CA1: variants seen among roughly 807,000 people sequenced by gnomAD.
CA1 encodes carbonate dehydratase I.
CA1 carries 27 observed loss-of-function variants against 28.8 expected under a neutral mutation model. That is an observed-to-expected ratio of 0.94 (90% CI 0.69 to 1.29). CA1 has a LOEUF of 1.29. CA1 is among the 50% of genes most tolerant of loss of function. The pLI, the probability that CA1 is intolerant of heterozygous loss-of-function variation, is 0.00. For synonymous variants in CA1, 121 were observed against 108.8 expected (o/e 1.11, Z -0.70); for missense variants, 335 against 310.5 (o/e 1.08, Z -0.59).
At chr8:85,331,386 G>A (rs1403729533) in intron 6 of CA1, among the ~76,000 whole-genome samples, 1 of 151,628 alleles carries the variant, frequency 6.6e-6, no homozygotes, top group East Asian at 1.9e-4. Flanking sequence ...TTCTTCCAAA[G>A]AATCAACTTT....
chr8:85,377,148 A>T (rs1233579222), intron 1 of CA1, among the ~76,000 whole-genome samples: 2 of 152,208 alleles, frequency 1.3e-5, no homozygotes, highest in African/African-American at 4.8e-5. Context: ...TATATTAGAA[A>T]ATCAGATATA....
At chr8:85,331,560 G>A (rs999872916) in intron 6 of CA1, among the ~76,000 whole-genome samples, 8 of 151,942 alleles carry the variant, frequency 5.3e-5, no homozygotes, top group East Asian at 1.9e-4. Context: ...GGGTTCAAGC[G>A]ATTCTCCTGG....
chr8:85,346,739 G>T (rs1564031435), intron 1 of CA1, among the ~76,000 whole-genome samples: 5 of 151,944 alleles, frequency 3.3e-5, no homozygotes, highest in Admixed American at 1.3e-4. Context: ...GCCAGCCTGG[G>T]CAACAAGAGT....
chr8:85,365,210 C>G (rs182120015), intron 1 of CA1, among the ~76,000 whole-genome samples: 4 of 152,318 alleles, frequency 2.6e-5, no homozygotes, highest in Admixed American at 2.6e-4. Flanking sequence ...TTAATGATGA[C>G]AAAGGGTGAC....
chr8:85,377,041 A>C (rs1810444448), intron 1 of CA1, among the ~76,000 whole-genome samples: 2 of 152,202 alleles, frequency 1.3e-5, no homozygotes, highest in African/African-American at 4.8e-5. Flanking sequence ...CAATATTAAC[A>C]CATTTGTATT....
intron 4 of CA1, among the ~76,000 whole-genome samples, chr8:85,335,337 G>A (rs910964609): frequency 2.6e-5 from 4 of 152,134 alleles, no homozygotes; most frequent in African/African-American, 9.7e-5. Context: ...AACATGAAAG[G>A]TGCTGGTCTA....
intron 1 of CA1, among the ~76,000 whole-genome samples, chr8:85,362,723 G>T (rs1405001806): frequency 1.3e-5 from 2 of 152,144 alleles, no homozygotes; most frequent in African/African-American, 4.8e-5. Context: ...CATTACTAAA[G>T]CATATCATTC....
At chr8:85,375,608 G>A (rs1474921076) in intron 1 of CA1, among the ~76,000 whole-genome samples, 1 of 152,028 alleles carries the variant, frequency 6.6e-6, no homozygotes, top group Non-Finnish European at 1.5e-5. Context: ...AACATCCCAA[G>A]GGAAGATCTA....
intron 1 of CA1, among the ~76,000 whole-genome samples, chr8:85,372,341 G>T (rs1812866493): frequency 6.6e-6 from 1 of 152,176 alleles, no homozygotes; most frequent in South Asian, 2.1e-4. Context: ...CGATGATGTG[G>T]AGAAATGAGA....
At chr8:85,375,981 G>A (rs781029009) in intron 1 of CA1, among the ~76,000 whole-genome samples, 4 of 152,160 alleles carry the variant, frequency 2.6e-5, no homozygotes, top group Non-Finnish European at 5.9e-5. Context: ...GAATTCAGTC[G>A]AGTAGTGAAT....
intron 1 of CA1, among the ~76,000 whole-genome samples, chr8:85,369,345 A>G (rs895772810): frequency 6.6e-6 from 1 of 151,916 alleles, no homozygotes; most frequent in African/African-American, 2.4e-5. Context: ...GCTCTTGGTT[A>G]CCCCACTTTG....
At chr8:85,370,663 T>C (rs1181889046) in intron 1 of CA1, among the ~76,000 whole-genome samples, 2 of 152,210 alleles carry the variant, frequency 1.3e-5, no homozygotes, top group Admixed American at 6.5e-5. Flanking sequence ...TGACAAGTGC[T>C]GTCAAAATGT....
At chr8:85,343,789 C>A (rs529849815) in intron 1 of CA1, among the ~76,000 whole-genome samples, 1 of 151,896 alleles carries the variant, frequency 6.6e-6, no homozygotes, top group African/African-American at 2.4e-5. Flanking sequence ...TCATTATGTA[C>A]CCAGGGTGTG....
At chr8:85,368,512 T>C (rs1295617547) in intron 1 of CA1, among the ~76,000 whole-genome samples, 1 of 152,036 alleles carries the variant, frequency 6.6e-6, no homozygotes, top group Non-Finnish European at 1.5e-5. Flanking sequence ...TTGTGGTACA[T>C]GTTGCTTTAA....
intron 4 of CA1, among the ~76,000 whole-genome samples, chr8:85,336,395 G>C (rs995108021): frequency 6.6e-6 from 1 of 152,046 alleles, no homozygotes; most frequent in Non-Finnish European, 1.5e-5. Flanking sequence ...TTTTTCTTTG[G>C]ATATACAGAT....
rs771614339 is a variant in CA1 at position 85,332,587 on chromosome 8, A to G, written c.451-35T>C. 3.4e-6 allele frequency: 5 copies of G among 1,490,134 alleles called. 1 individual carries two copies. Among genetic ancestry groups the G allele is most frequent in the Middle Eastern group, 1.8e-4 (1 of 5,570 alleles). The allele number at this position is 1,490,134 out of a possible 1,614,324, so 92.3% of individuals were successfully genotyped here. A position where few individuals can be genotyped will look rare whatever the true frequency, so the allele number is the denominator to read the frequency against. On this transcript the variant is annotated intron_variant, in intron 5 of 7. Coordinates refer to ENST00000523022, the MANE Select transcript of CA1 (RefSeq NM_001128831.4). ...TAAGAAAATAAAGTATGAGATAAAG[A>G]TTATTATCAATCGAACACTGCTTAG...
chr8:85,370,018 A>T (rs1223560300), intron 1 of CA1, among the ~76,000 whole-genome samples: 1 of 152,156 alleles, frequency 6.6e-6, no homozygotes, highest in Admixed American at 6.6e-5. Flanking sequence ...CATGACACCA[A>T]ACCTTTCAGA....
rs765083576 is a variant in CA1, at chr8:85,333,592, T to C, written c.383A>G (p.Lys128Arg). The change falls in exon 5 of 8, where the codon AAG (lysine) becomes AGG (arginine). Residue 128 changes from lysine (K) to arginine (R), a missense_variant. Transcript: ENST00000523022. ...GGCAGCTTCAGCAAGGCTGGAGTAC[T>C]TTGCAGAATTCCAGTGAGCTACGTG... ...ELHVAHWNSA[K>R]YSSLAEAASK... 1 of 1,612,330 alleles carries C rather than the reference T, an allele frequency of 6.2e-7. No homozygotes were observed. The highest frequency in any genetic ancestry group is 1.1e-5 in the South Asian group (1 of 91,056).
At chr8:85,346,881 G>A (rs540654677) in intron 1 of CA1, among the ~76,000 whole-genome samples, 209 of 152,220 alleles carry the variant, frequency 1.4e-3, no homozygotes, top group African/African-American at 4.7e-3. Context: ...AAACAAAACA[G>A]TGAAAATATT....
Sources: gnomAD v4.1 joint callset for allele counts (sites outside exome capture counted in the v4.1 genomes callset) on GRCh38, gnomAD v4.1.1 for gene constraint, MANE v1.5 for transcripts, NCBI Gene and HGNC (gene_info 2026-07-23, HGNC 2026-07-21) for gene names.